Variants in MTMR9 observed in about 807,000 individuals in gnomAD.
MTMR9 encodes myotubularin-related protein 9.
MTMR9 carries 39 observed loss-of-function variants against 69.5 expected under a neutral mutation model. The ratio of observed to expected loss-of-function variants is 0.56; its 90% CI spans 0.43 to 0.73. MTMR9 has a LOEUF of 0.73. Ranked by LOEUF, MTMR9 falls within the 30% of genes least tolerant of loss-of-function variation. The probability of loss-of-function intolerance (pLI) is 0.00; values close to 1 mark genes in which losing one functional copy is unlikely to be tolerated. For synonymous variants in MTMR9, 354 were observed against 240.8 expected (o/e 1.47, Z -4.35); for missense variants, 900 against 671.2 (o/e 1.34, Z -3.77).
intron 2 of MTMR9, among the ~76,000 whole-genome samples, chr8:11,295,917 C>T (rs1799540453): frequency 6.6e-6 from 1 of 152,154 alleles, no homozygotes; most frequent in Non-Finnish European, 1.5e-5. Context: ...TACAGAGTTC[C>T]TTAGAGACAC....
At chr8:11,297,615 G>C (rs1799605578) in intron 2 of MTMR9, among the ~76,000 whole-genome samples, 1 of 151,450 alleles carries the variant, frequency 6.6e-6, no homozygotes, top group Non-Finnish European at 1.5e-5. Context: ...TGATCTGTAA[G>C]ATGACTGGCT....
At chr8:11,330,831 G>T (rs530390155), downstream of MTMR9, 4,335 of 520,684 alleles carry the variant, frequency 8.3e-3, 35 homozygotes, top group Non-Finnish European at 0.011. Context: ...TTGTTCACTT[G>T]TTTATCTGCT....
At chr8:11,287,856 T>C (rs1438582198) in intron 1 of MTMR9, among the ~76,000 whole-genome samples, 1 of 115,228 alleles carries the variant, frequency 8.7e-6, no homozygotes, top group African/African-American at 4.0e-5. Flanking sequence ...ATTATATATG[T>C]TATATATTAT....
At chr8:11,313,164 G>A (rs966518008) in intron 6 of MTMR9, among the ~76,000 whole-genome samples, 2 of 152,190 alleles carry the variant, frequency 1.3e-5, no homozygotes, top group African/African-American at 4.8e-5. Flanking sequence ...AAGAGAGTTT[G>A]CTTCTTTCCT....
chr8:11,303,493 T>A (rs560278622), intron 3 of MTMR9, among the ~76,000 whole-genome samples: 4 of 152,218 alleles, frequency 2.6e-5, no homozygotes, highest in Non-Finnish European at 4.4e-5. Flanking sequence ...TACATTTTTT[T>A]AAAAATAATA....
intron 3 of MTMR9, among the ~76,000 whole-genome samples, chr8:11,304,314 C>T (rs1289530602): frequency 1.3e-5 from 2 of 152,156 alleles, no homozygotes; most frequent in Non-Finnish European, 1.5e-5. Flanking sequence ...GCTGTGTTCT[C>T]ATTTGTTCTG....
At chr8:11,321,183 T>G (rs985910478) in intron 9 of MTMR9, 1 of 283,748 alleles carries the variant, frequency 3.5e-6, no homozygotes, top group African/African-American at 2.2e-5. Context: ...GTCCCCTAGT[T>G]AGCATTGTGG....
At chr8:11,289,841 T>A (rs1283082143) in intron 1 of MTMR9, among the ~76,000 whole-genome samples, 1 of 152,224 alleles carries the variant, frequency 6.6e-6, no homozygotes, top group East Asian at 1.9e-4. Context: ...TCTGACAGCA[T>A]AGGATTCCAA....
chr8:11,315,303 C>G (rs1014468963), intron 7 of MTMR9, among the ~76,000 whole-genome samples: 1 of 152,152 alleles, frequency 6.6e-6, no homozygotes, highest in African/African-American at 2.4e-5. Context: ...TTATCACATA[C>G]AGGAGAAATA....
intron 1 of MTMR9, among the ~76,000 whole-genome samples, chr8:11,287,033 G>C (rs1183658223): frequency 6.6e-6 from 1 of 152,190 alleles, no homozygotes; most frequent in Non-Finnish European, 1.5e-5. Flanking sequence ...TACAGTTCTT[G>C]TCTTTCAGGA....
At chr8:11,302,503 G>A (rs1369423187) in intron 3 of MTMR9, among the ~76,000 whole-genome samples, 1 of 152,056 alleles carries the variant, frequency 6.6e-6, no homozygotes, top group South Asian at 2.1e-4. Flanking sequence ...GACCTGCATG[G>A]TGTTAGATTA....
At position 11,319,844 on chromosome 8, in the gene MTMR9, C is replaced by T. The variant is rs770318995; in HGVS notation, c.1486+6C>T. The T allele has an allele frequency of 7.4e-6, 12 of 1,613,646 alleles. No homozygotes were observed. The highest frequency in any genetic ancestry group is 1.0e-5 in the Non-Finnish European group (12 of 1,179,834). ...GAGTCTTCCACTGTGGGAAGGTAAACCACGCATCCTTTGCAAACTTCTTAA... is the reference window on the plus strand; with the variant it reads ...GAGTCTTCCACTGTGGGAAGGTAAATCACGCATCCTTTGCAAACTTCTTAA... On this transcript the variant is annotated splice_donor_region_variant and intron_variant, in intron 9 of 9. Transcript: ENST00000221086.
At chr8:11,296,392 T>A (rs1222613842) in intron 2 of MTMR9, among the ~76,000 whole-genome samples, 1 of 152,174 alleles carries the variant, frequency 6.6e-6, no homozygotes, top group Admixed American at 6.5e-5. Context: ...GATGCTTTTT[T>A]AAAAAAATTG....
chr8:11,301,649 C>G (rs1483808360), intron 3 of MTMR9, among the ~76,000 whole-genome samples: 1 of 152,086 alleles, frequency 6.6e-6, no homozygotes, highest in Non-Finnish European at 1.5e-5. Flanking sequence ...TAGTGATTTC[C>G]TAGTATTGGG....
In MTMR9 at chr8:11,306,288, T is replaced by C. The variant is rs1563276050; in HGVS notation, c.690T>C (p.Arg230=). The change falls in exon 5 of 10, where the codon CGT becomes CGC. Residue 230 remains arginine (R), a synonymous_variant. Coordinates refer to ENST00000221086, the MANE Select transcript of MTMR9 (RefSeq NM_015458.4). ...LINATLRAGK[R]GYIIDTRSLN... ...ATGCTACCCTCAGGGCTGGAAAGCGTGGCTACATCATTGACACCCGATCCC... is the reference window on the plus strand; with the variant it reads ...ATGCTACCCTCAGGGCTGGAAAGCGCGGCTACATCATTGACACCCGATCCC... 1 of 1,614,044 alleles carries C rather than the reference T, an allele frequency of 6.2e-7. No homozygotes were observed. The highest frequency in any genetic ancestry group is 8.5e-7 in the Non-Finnish European group (1 of 1,179,958).
Position 11,324,524 on chromosome 8 carries a change from A to C in MTMR9, c.*1736A>C, listed in dbSNP as rs970457878. Reference sequence around the variant, plus strand: ...TTAGTTTTGTTAAAAAAAAAAAAAAAAAAAGGAAACAGCCTCACTTTTTTG... The same window carrying C: ...TTAGTTTTGTTAAAAAAAAAAAAAACAAAAGGAAACAGCCTCACTTTTTTG... On this transcript the variant is annotated 3_prime_UTR_variant, in exon 10 of 10. Coordinates refer to ENST00000221086, the MANE Select transcript of MTMR9 (RefSeq NM_015458.4). The C allele has an allele frequency of 2.0e-4, 30 of 151,782 alleles. No individual in the cohort carries two copies. Among genetic ancestry groups the C allele is most frequent in the Admixed American group, 7.9e-4 (12 of 15,250 alleles). 9.4% of individuals were successfully genotyped at this position (151,782 alleles called of 1,614,324 possible).
chr8:11,306,314 T>A lies in MTMR9; in HGVS notation c.716T>A (p.Leu239Gln), dbSNP rs374898338. ...KRGYIIDTRS[L>Q]NVAQQTRAKG... ...GGCTACATCATTGACACCCGATCCC[T>A]GAACGTGGCTCAGCAAACTAGAGCC... The change falls in exon 5 of 10, where the codon CTG becomes CAG. Residue 239 changes from leucine (L) to glutamine (Q), a missense_variant. Leu to Gln is a moderately radical substitution (Grantham distance 113). Transcript: ENST00000221086. 6.2e-7 allele frequency: 1 copy of A among 1,614,068 alleles called. No homozygotes were observed. Among genetic ancestry groups the A allele is most frequent in the East Asian group, 2.2e-5 (1 of 44,876 alleles).
rs531814772 is a variant in MTMR9, at chr8:11,304,110, T to C, written c.418-731T>C. Among the ~76,000 whole-genome samples the C allele has an allele frequency of 3.9e-5, 6 of 152,270 alleles. No homozygotes were observed. In the South Asian group the frequency reaches 1.0e-3, roughly 26 times the overall value. ...GTGTTCAAGCTGTTTTTAATTCTGA[T>C]GTTTAAAATAAGTTGTCATTTGATA... On this transcript the variant is annotated intron_variant, in intron 3 of 9. Transcript: ENST00000221086.
chr8:11,325,719 C>T lies in MTMR9; in HGVS notation c.*2931C>T, dbSNP rs961863784. ...ATTATATGTTTTTAAAAACCTGAAG[C>T]TTTTTTGGTGGCAGGACCTTTCAAT... is the stretch of plus-strand genomic sequence containing the variant. On this transcript the variant is annotated 3_prime_UTR_variant, in exon 10 of 10. Coordinates refer to ENST00000221086, the MANE Select transcript of MTMR9 (RefSeq NM_015458.4). 1 of 150,296 alleles carries T rather than the reference C, an allele frequency of 6.7e-6. No individual in the cohort carries two copies. Among genetic ancestry groups the T allele is most frequent in the African/African-American group, 2.5e-5 (1 of 40,774 alleles). 9.3% of individuals were successfully genotyped at this position (150,296 alleles called of 1,614,324 possible). A position where few individuals can be genotyped will look rare whatever the true frequency, so the allele number is the denominator to read the frequency against.
Sources: gnomAD v4.1 joint callset for allele counts (sites outside exome capture counted in the v4.1 genomes callset) on GRCh38, gnomAD v4.1.1 for gene constraint, MANE v1.5 for transcripts, NCBI Gene and HGNC (gene_info 2026-07-23, HGNC 2026-07-21) for gene names.